The following CADM2 variants were observed in gnomAD, a reference collection of about 807,000 sequenced individuals.
CADM2 encodes the protein cell adhesion molecule 2.
CADM2 carries 12 observed loss-of-function variants against 49.8 expected under a neutral mutation model. The ratio of observed to expected loss-of-function variants is 0.24; its 90% confidence interval spans 0.15 to 0.39. CADM2 has a LOEUF of 0.39. Among genes scored for constraint, CADM2 ranks in the 10% least tolerant of loss-of-function variants. The pLI is 1.00. For synonymous variants in CADM2, 214 were observed against 175.4 expected, an observed-to-expected ratio of 1.22 and a Z score of -1.74; for missense variants, 378 against 492.3, an observed-to-expected ratio of 0.77 and a Z score of 2.20.
intron 1 of CADM2, among the ~76,000 whole-genome samples, chr3:85,551,577 G>T (rs2061803344): frequency 6.6e-6 from 1 of 151,976 alleles, no homozygotes; most frequent in African/African-American, 2.4e-5. Flanking sequence ...TTGATATTTT[G>T]TCTTTTCAAA....
chr3:85,857,088 C>A (rs996222585), intron 3 of CADM2, among the ~76,000 whole-genome samples: 1 of 152,132 alleles, frequency 6.6e-6, no homozygotes, highest in Non-Finnish European at 1.5e-5. Context: ...TTGTAGACCA[C>A]TGTTTTTTCA....
chr3:85,075,814 T>C (rs1353645174), intron 1 of CADM2, among the ~76,000 whole-genome samples: 1 of 152,198 alleles, frequency 6.6e-6, no homozygotes, highest in African/African-American at 2.4e-5. Flanking sequence ...TCTCCTAAAA[T>C]GCAACACAAC....
chr3:85,231,026 G>T (rs562224949), intron 1 of CADM2, among the ~76,000 whole-genome samples: 18 of 151,636 alleles, frequency 1.2e-4, no homozygotes, highest in Non-Finnish European at 2.1e-4. Flanking sequence ...TTGCCTTACA[G>T]ATGGCTGCTT....
chr3:85,770,491 T>G (rs951710189), intron 2 of CADM2, among the ~76,000 whole-genome samples: 1 of 152,058 alleles, frequency 6.6e-6, no homozygotes, highest in Non-Finnish European at 1.5e-5. Flanking sequence ...TTTATTATTA[T>G]TATTATTTGT....
intron 6 of CADM2, among the ~76,000 whole-genome samples, chr3:85,917,228 A>G (rs1405593920): frequency 6.6e-6 from 1 of 152,110 alleles, no homozygotes; most frequent in Non-Finnish European, 1.5e-5. Context: ...TGTTTTAGTC[A>G]TGAAGTCCTT....
At chr3:85,558,499 A>C (rs913162724) in intron 1 of CADM2, among the ~76,000 whole-genome samples, 3 of 152,088 alleles carry the variant, frequency 2.0e-5, no homozygotes, top group Non-Finnish European at 2.9e-5. Flanking sequence ...AGACATATTT[A>C]TGCAATATAT....
intron 1 of CADM2, among the ~76,000 whole-genome samples, chr3:85,254,566 C>G (rs141784226): frequency 6.6e-6 from 1 of 152,026 alleles, no homozygotes; most frequent in African/African-American, 2.4e-5. Context: ...AGCCTACAAA[C>G]GACAATCTTT....
intron 3 of CADM2, among the ~76,000 whole-genome samples, chr3:85,862,737 T>A (rs1463868482): frequency 6.6e-6 from 1 of 152,198 alleles, no homozygotes; most frequent in African/African-American, 2.4e-5. Flanking sequence ...TGGAGTGACA[T>A]GTTTAGTAAC....
At position 85,761,300 on chromosome 3, in the gene CADM2, A is replaced by G. The variant is rs754250597; in HGVS notation, c.88+34752A>G. Among the ~76,000 whole-genome samples, 10 of 151,066 alleles carry G rather than the reference A, an allele frequency of 6.6e-5. 1 individual carries two copies. The highest frequency in any genetic ancestry group is 2.0e-4 in the Admixed American group (3 of 15,096). On this transcript the variant is annotated intron_variant, in intron 2 of 9. Coordinates refer to ENST00000383699, the MANE Select transcript of CADM2 (RefSeq NM_001167675.2). ...TTCTTTAAAGCAAAAATATGTATATATTTATTGATCAACCTAAGTAAAAGC... is the reference window on the plus strand; with the variant it reads ...TTCTTTAAAGCAAAAATATGTATATGTTTATTGATCAACCTAAGTAAAAGC...
intron 8 of CADM2, among the ~76,000 whole-genome samples, chr3:85,995,985 G>T (rs937237862): frequency 6.6e-6 from 1 of 151,742 alleles, no homozygotes; most frequent in Non-Finnish European, 1.5e-5. Flanking sequence ...AGCTACTCGG[G>T]AGGCTGAGGC....
At chr3:86,014,768 T>C in intron 8 of CADM2, 1 of 1,481,470 alleles carries the variant, frequency 6.8e-7, no homozygotes, top group Non-Finnish European at 9.0e-7. Context: ...AGCTTCACTG[T>C]TGGAGAATCA....
intron 1 of CADM2, among the ~76,000 whole-genome samples, chr3:85,482,942 A>G (rs1387092351): frequency 6.6e-6 from 1 of 151,618 alleles, no homozygotes; most frequent in East Asian, 1.9e-4. Flanking sequence ...TATATATTTG[A>G]CAAAATTATA....
chr3:85,827,951 T>C (rs1341595396), intron 3 of CADM2: 1 of 151,906 alleles, frequency 6.6e-6, no homozygotes, highest in Non-Finnish European at 1.5e-5. Context: ...TTCCATGTTT[T>C]AGTTTATGAA....
intron 2 of CADM2, among the ~76,000 whole-genome samples, chr3:85,786,109 T>C (rs1222953977): frequency 1.3e-5 from 2 of 152,070 alleles, no homozygotes; most frequent in East Asian, 3.9e-4. Context: ...CCAGGTATCA[T>C]TTTGCAACTA....
intron 1 of CADM2, among the ~76,000 whole-genome samples, chr3:85,583,519 A>T (rs1044096821): frequency 1.3e-5 from 2 of 152,136 alleles, no homozygotes; most frequent in African/African-American, 4.8e-5. Context: ...AGCTTTGGAA[A>T]CATAGTGGAA....
chr3:85,873,510 A>T (rs1711497638), intron 3 of CADM2, among the ~76,000 whole-genome samples: 1 of 152,030 alleles, frequency 6.6e-6, no homozygotes, highest in Admixed American at 6.6e-5. Flanking sequence ...TACTAAAAAT[A>T]GGAAAATTAG....
At chr3:85,641,337 C>G (rs1356067615) in intron 1 of CADM2, among the ~76,000 whole-genome samples, 1 of 152,202 alleles carries the variant, frequency 6.6e-6, no homozygotes, top group African/African-American at 2.4e-5. Context: ...ACTCTCATCT[C>G]TAGCATCATG....
intron 1 of CADM2, among the ~76,000 whole-genome samples, chr3:85,363,223 A>C (rs1194764077): frequency 6.6e-6 from 1 of 152,188 alleles, no homozygotes. Context: ...AGTTTTACAT[A>C]TGGTCATTTC....
intron 1 of CADM2, among the ~76,000 whole-genome samples, chr3:85,354,480 G>A (rs1246680397): frequency 6.6e-6 from 1 of 151,598 alleles, no homozygotes; most frequent in Non-Finnish European, 1.5e-5. Flanking sequence ...TTGTGCACAT[G>A]TACCCTAAAA....
Sources: allele counts gnomAD v4.1 joint callset (sites outside exome capture counted in the v4.1 genomes callset), GRCh38; gene constraint gnomAD v4.1.1; transcripts MANE v1.5; gene names NCBI Gene and HGNC (gene_info 2026-07-23, HGNC 2026-07-21).